Variants in SENP7 observed in about 807,000 individuals in gnomAD.
SENP7 encodes SUMO specific peptidase 7.
Under a neutral mutation model 141.2 loss-of-function variants are expected in SENP7, and 64 were observed. The observed-to-expected ratio is 0.45, with a 90% CI of 0.37 to 0.56. SENP7 has a LOEUF of 0.56. SENP7 is among the 20% of genes least tolerant of loss of function. The pLI, the probability that SENP7 is intolerant of heterozygous loss-of-function variation, is 0.00. For synonymous variants in SENP7, 382 were observed against 426.4 expected, an observed-to-expected ratio of 0.90 and a Z score of 1.28; for missense variants, 1,025 against 1,212.2, an observed-to-expected ratio of 0.85 and a Z score of 2.29.
At chr3:101,362,671 G>A (rs1266448291) in intron 10 of SENP7, among the ~76,000 whole-genome samples, 1 of 152,076 alleles carries the variant, frequency 6.6e-6, no homozygotes, top group African/African-American at 2.4e-5. Flanking sequence ...ATGCCTGTGT[G>A]CTACTGCACT....
intron 1 of SENP7, among the ~76,000 whole-genome samples, chr3:101,501,607 T>C (rs2065383575): frequency 6.6e-6 from 1 of 152,178 alleles, no homozygotes; most frequent in African/African-American, 2.4e-5. Context: ...AACTCTCTTT[T>C]ACTCACCAAC....
intron 6 of SENP7, among the ~76,000 whole-genome samples, chr3:101,395,722 T>A (rs180685846): frequency 6.6e-6 from 1 of 152,282 alleles, no homozygotes; most frequent in East Asian, 1.9e-4. Flanking sequence ...CTAAATTAAA[T>A]GGGGAGGCTA....
At chr3:101,350,858 T>C (rs1470061485) in intron 12 of SENP7, among the ~76,000 whole-genome samples, 1 of 152,008 alleles carries the variant, frequency 6.6e-6, no homozygotes, top group Non-Finnish European at 1.5e-5. Context: ...GCCCTTTATA[T>C]TCTTAATACT....
intron 1 of SENP7, among the ~76,000 whole-genome samples, chr3:101,502,860 G>A (rs1009010916): frequency 1.2e-4 from 18 of 151,050 alleles, no homozygotes; most frequent in Admixed American, 8.6e-4. Context: ...CAGCTGCAGC[G>A]AGCCATGACT....
At chr3:101,394,848 G>A (rs2107560529) in intron 6 of SENP7, among the ~76,000 whole-genome samples, 1 of 152,202 alleles carries the variant, frequency 6.6e-6, no homozygotes, top group Non-Finnish European at 1.5e-5. Flanking sequence ...TCTAGCTAAG[G>A]TAAGATGATA....
At chr3:101,450,190 A>G (rs2063072627) in intron 4 of SENP7, among the ~76,000 whole-genome samples, 2 of 152,232 alleles carry the variant, frequency 1.3e-5, no homozygotes, top group South Asian at 4.1e-4. Flanking sequence ...CACCCAACAC[A>G]GGAGGACCCA....
At chr3:101,409,744 TGAA>T (rs1216277639) in intron 5 of SENP7, among the ~76,000 whole-genome samples, 1 of 152,162 alleles carries the variant, frequency 6.6e-6, no homozygotes. Context: ...TGTAGGAGAA[TGAA>T]ACTGGAGCCT....
At chr3:101,468,180 C>T (rs758266393) in intron 3 of SENP7, among the ~76,000 whole-genome samples, 1 of 152,132 alleles carries the variant, frequency 6.6e-6, no homozygotes, top group East Asian at 1.9e-4. Context: ...AAGAAACAAA[C>T]AAAGCCTCCA....
rs534656299 is a variant in SENP7 at position 101,446,129 on chromosome 3, G to A, written c.284+12826C>T. On this transcript the variant is annotated intron_variant, in intron 4 of 23. Transcript: ENST00000394095. ...AAATCTGGTTATTTATAAAAGTGTAGTGCCTCTCCCTTCGTTCTCTCTTTC... is the reference window on the plus strand; with the variant it reads ...AAATCTGGTTATTTATAAAAGTGTAATGCCTCTCCCTTCGTTCTCTCTTTC... 5.9e-4 allele frequency among the ~76,000 whole-genome samples: 90 copies of A among 152,270 alleles called. 1 individual carries two copies. The highest frequency in any genetic ancestry group is 2.0e-3 in the African/African-American group (84 of 41,542).
At chr3:101,328,798 T>A in intron 20 of SENP7, 109 bp from the exon 21 acceptor site, 1 of 788,948 alleles carries the variant, frequency 1.3e-6, no homozygotes, top group Non-Finnish European at 2.1e-6. Flanking sequence ...TTTCAAGTAA[T>A]AGTTATCTTC....
intron 3 of SENP7, among the ~76,000 whole-genome samples, chr3:101,466,780 G>A (rs1475126065): frequency 6.6e-6 from 1 of 152,148 alleles, no homozygotes; most frequent in East Asian, 1.9e-4. Context: ...GCAGAAGATG[G>A]GTGATTTCTG....
intron 3 of SENP7, among the ~76,000 whole-genome samples, chr3:101,484,188 T>C (rs2064626904): frequency 6.6e-6 from 1 of 152,182 alleles, no homozygotes; most frequent in Non-Finnish European, 1.5e-5. Flanking sequence ...AATGAATTGA[T>C]AAGCTGGGCT....
At chr3:101,469,202 G>C (rs1258910372) in intron 3 of SENP7, among the ~76,000 whole-genome samples, 1 of 152,060 alleles carries the variant, frequency 6.6e-6, no homozygotes, top group Non-Finnish European at 1.5e-5. Flanking sequence ...GGAGCACCCA[G>C]ATTCATAAAG....
chr3:101,326,162 C>A lies in SENP7; in HGVS notation c.3016-82G>T, dbSNP rs2058893295. The A allele has an allele frequency of 8.8e-6, 10 of 1,139,318 alleles. No homozygotes were observed. The South Asian group carries it at 1.7e-4, about 20-fold the overall frequency. 70.6% of individuals were successfully genotyped at this position (1,139,318 alleles called of 1,614,324 possible). A position where few individuals can be genotyped will look rare whatever the true frequency, so the allele number is the denominator to read the frequency against. ...TTAATTTCATTTTTATAAGAAATGA[C>A]AAATTGCTAACTTTTTTAAAATAAC... is the stretch of plus-strand genomic sequence containing the variant. On this transcript the variant is annotated intron_variant, in intron 23 of 23. Transcript: ENST00000394095.
intron 4 of SENP7, among the ~76,000 whole-genome samples, chr3:101,433,215 T>A (rs1400531965): frequency 6.6e-6 from 1 of 151,852 alleles, no homozygotes; most frequent in Non-Finnish European, 1.5e-5. Flanking sequence ...AATAAGATAG[T>A]ATTTTCAAGC....
At chr3:101,368,391 C>T (rs2060092910) in intron 7 of SENP7, among the ~76,000 whole-genome samples, 1 of 150,884 alleles carries the variant, frequency 6.6e-6, no homozygotes, top group Non-Finnish European at 1.5e-5. Context: ...GAATACTATA[C>T]AGCCATAAAA....
At chr3:101,355,874 A>G (rs191138516) in intron 11 of SENP7, among the ~76,000 whole-genome samples, 3 of 152,166 alleles carry the variant, frequency 2.0e-5, no homozygotes, top group Admixed American at 2.0e-4. Context: ...TTTGTGTCAT[A>G]CTGATTTCTT....
At chr3:101,508,391 T>C (rs182562338) in intron 1 of SENP7, among the ~76,000 whole-genome samples, 21 of 152,048 alleles carry the variant, frequency 1.4e-4, no homozygotes, top group African/African-American at 5.1e-4. Context: ...GGTCAGGAGA[T>C]CAAGACCATC....
intron 11 of SENP7, among the ~76,000 whole-genome samples, chr3:101,353,406 A>G (rs2059661085): frequency 6.6e-6 from 1 of 152,048 alleles, no homozygotes; most frequent in Non-Finnish European, 1.5e-5. Context: ...GAGCTATCAA[A>G]TGTTTCTACT....
Sources: allele counts gnomAD v4.1 joint callset (sites outside exome capture counted in the v4.1 genomes callset), GRCh38; gene constraint gnomAD v4.1.1; transcripts MANE v1.5; gene names NCBI Gene and HGNC (gene_info 2026-07-23, HGNC 2026-07-21).